Variants in DIP2C observed in about 807,000 individuals in gnomAD.
DIP2C encodes the protein DIP2 acetate--CoA ligase C (putative).
Under a neutral mutation model 192.4 loss-of-function variants are expected in DIP2C, and 33 were observed. The ratio of observed to expected loss-of-function variants is 0.17; its 90% CI spans 0.13 to 0.23. The LOEUF is 0.23. DIP2C is among the 10% of genes least tolerant of loss of function. The probability of loss-of-function intolerance (pLI) is 1.00; values close to 1 mark genes in which losing one functional copy is unlikely to be tolerated. For missense variants in DIP2C, 1,537 were observed against 2,110.1 expected (o/e 0.73, Z 5.32); for synonymous variants, 979 against 864.1 (o/e 1.13, Z -2.33).
At chr10:321,323 T>G (rs1194077255) in intron 31 of DIP2C, among the ~76,000 whole-genome samples, 1 of 152,222 alleles carries the variant, frequency 6.6e-6, no homozygotes, top group African/African-American at 2.4e-5. Context: ...ACTCATGAAC[T>G]GTGCAGCTCA....
At chr10:671,243 G>A (rs1175568347) in intron 1 of DIP2C, among the ~76,000 whole-genome samples, 13 of 152,254 alleles carry the variant, frequency 8.5e-5, no homozygotes, top group African/African-American at 3.1e-4. Flanking sequence ...GAGAAGCGAC[G>A]GCCTCCAGCG....
At chr10:500,787 A>G (rs1313253434) in intron 1 of DIP2C, among the ~76,000 whole-genome samples, 2 of 152,236 alleles carry the variant, frequency 1.3e-5, no homozygotes, top group Non-Finnish European at 2.9e-5. Flanking sequence ...TAACAAAACA[A>G]GACAGGCCAG....
At chr10:590,309 G>GGTGC (rs1851324185) in intron 1 of DIP2C, among the ~76,000 whole-genome samples, 2 of 152,224 alleles carry the variant, frequency 1.3e-5, no homozygotes, top group Admixed American at 1.3e-4. Flanking sequence ...TTCGAGTCAA[G>GGTGC]TGGGACAAAC....
chr10:490,954 C>A (rs916390386), intron 1 of DIP2C, among the ~76,000 whole-genome samples: 8 of 152,196 alleles, frequency 5.3e-5, no homozygotes, highest in African/African-American at 1.9e-4. Flanking sequence ...CTGAAGGGAA[C>A]AATTCTTTTT....
chr10:657,993 G>T (rs1856494262), intron 1 of DIP2C, among the ~76,000 whole-genome samples: 1 of 150,284 alleles, frequency 6.7e-6, no homozygotes, highest in Non-Finnish European at 1.5e-5. Flanking sequence ...CGCTGGACCT[G>T]CCACTGGACC....
At chr10:340,666 GTCAT>G (rs1280009938) in intron 29 of DIP2C, 1 of 426,884 alleles carries the variant, frequency 2.3e-6, no homozygotes, top group African/African-American at 2.0e-5. Context: ...AGTTTTTCTG[GTCAT>G]TCATTCATCC....
At chr10:567,929 C>T (rs919982099) in intron 1 of DIP2C, among the ~76,000 whole-genome samples, 9 of 152,176 alleles carry the variant, frequency 5.9e-5, no homozygotes, top group African/African-American at 1.9e-4. Context: ...CGCGCCTGGC[C>T]GAGAAGTGTT....
intron 1 of DIP2C, among the ~76,000 whole-genome samples, chr10:595,157 A>G (rs1851630925): frequency 6.6e-6 from 1 of 152,194 alleles, no homozygotes; most frequent in Admixed American, 6.5e-5. Context: ...CAGGGCCCAC[A>G]CGGAATCAAA....
chr10:554,536 G>C (rs1225313206), intron 1 of DIP2C, among the ~76,000 whole-genome samples: 2 of 152,192 alleles, frequency 1.3e-5, no homozygotes, highest in African/African-American at 2.4e-5. Flanking sequence ...AAAACCTTGG[G>C]CTGTGAATGG....
In DIP2C at chr10:572,150, G is replaced by C. The variant is rs1250284384; in HGVS notation, c.86-85620C>G. Among the ~76,000 whole-genome samples the C allele has an allele frequency of 6.6e-5, 10 of 152,300 alleles. No individual in the cohort carries two copies. In the South Asian group the frequency reaches 1.9e-3, roughly 28 times the overall value. On this transcript the variant is annotated intron_variant, in intron 1 of 36. Coordinates refer to ENST00000280886, the MANE Select transcript of DIP2C (RefSeq NM_014974.3). ...AACAGGAGACTCCCTCAGCCTGCCG[G>C]GAGCTGGGGCCCTCGACAGCCTCAT... is the stretch of plus-strand genomic sequence containing the variant.
intron 4 of DIP2C, among the ~76,000 whole-genome samples, chr10:429,907 G>C (rs903241826): frequency 6.6e-6 from 1 of 152,148 alleles, no homozygotes; most frequent in Non-Finnish European, 1.5e-5. Context: ...GCCAAGGAGT[G>C]TAATTCCTAG....
chr10:484,105 G>A lies in DIP2C; in HGVS notation c.157+2354C>T, dbSNP rs555239750. Among the ~76,000 whole-genome samples, 10 of 152,224 alleles carry A rather than the reference G, an allele frequency of 6.6e-5. No individual in the cohort carries two copies. The East Asian group carries it at 7.7e-4, about 12-fold the overall frequency. On this transcript the variant is annotated intron_variant, in intron 2 of 36. Transcript: ENST00000280886. ...ATCACAGGCGTGAGCCACCACCCCC[G>A]GCCTTGTATGTGATTTTAAAACACA...
At chr10:577,892 A>AT (rs746948534) in intron 1 of DIP2C, among the ~76,000 whole-genome samples, 6 of 151,642 alleles carry the variant, frequency 4.0e-5, no homozygotes, top group South Asian at 2.1e-4. Flanking sequence ...AGCAATTTCT[A>AT]TTTCTCCATG....
rs75204739 is a variant in DIP2C, at chr10:544,715, G to A, written c.86-58185C>T. 8.6e-3 allele frequency among the ~76,000 whole-genome samples: 1,312 copies of A among 152,074 alleles called. 6 individuals carry two copies. The highest frequency in any genetic ancestry group is 0.013 in the Non-Finnish European group (914 of 67,988). Reference sequence around the variant, plus strand: ...GTTAAATATCTCATGTGCTTTTTAAGGCATTTATGTATCTTTCTTTGGAGA... The same window carrying A: ...GTTAAATATCTCATGTGCTTTTTAAAGCATTTATGTATCTTTCTTTGGAGA... On this transcript the variant is annotated intron_variant, in intron 1 of 36. Transcript: ENST00000280886.
chr10:337,730 T>TG (rs1460127409), intron 29 of DIP2C, among the ~76,000 whole-genome samples: 2 of 150,536 alleles, frequency 1.3e-5, no homozygotes, highest in Non-Finnish European at 3.0e-5. Context: ...CTGATGTGTG[T>TG]GTGTGTTGTG....
chr10:391,844 A>T (rs550118422), intron 10 of DIP2C, among the ~76,000 whole-genome samples: 1 of 152,282 alleles, frequency 6.6e-6, no homozygotes, highest in East Asian at 1.9e-4. Context: ...TAACAGGAAA[A>T]CATGAGCTGA....
chr10:475,623 T>A (rs77096975), intron 2 of DIP2C, among the ~76,000 whole-genome samples: 9 of 152,102 alleles, frequency 5.9e-5, no homozygotes, highest in African/African-American at 2.2e-4. Context: ...TAAGTGGAAA[T>A]GTAAAGTTTG....
intron 24 of DIP2C, among the ~76,000 whole-genome samples, chr10:352,780 AC>A (rs1383437590): frequency 6.6e-6 from 1 of 151,972 alleles, no homozygotes; most frequent in Non-Finnish European, 1.5e-5. Context: ...CTTCCTTGCC[AC>A]CTTTCCCCAC....
At chr10:426,472 G>C (rs979879786) in intron 4 of DIP2C, among the ~76,000 whole-genome samples, 11 of 152,184 alleles carry the variant, frequency 7.2e-5, no homozygotes, top group African/African-American at 2.7e-4. Context: ...TAAAATCCCA[G>C]AAGGCTTTGT....
Sources: allele counts gnomAD v4.1 joint callset (sites outside exome capture counted in the v4.1 genomes callset), GRCh38; gene constraint gnomAD v4.1.1; transcripts MANE v1.5; gene names NCBI Gene and HGNC (gene_info 2026-07-23, HGNC 2026-07-21).